Variants in MAST2 observed in about 807,000 individuals in gnomAD.
The protein encoded by MAST2 is microtubule-associated serine/threonine-protein kinase 2.
Under a neutral mutation model 147.4 loss-of-function variants are expected in MAST2, and 70 were observed. That is an observed-to-expected ratio of 0.47 (90% CI 0.39 to 0.58). The LOEUF (loss-of-function observed/expected upper bound fraction) is 0.58. Among genes scored for constraint, MAST2 ranks in the 20% least tolerant of loss-of-function variants. The probability of loss-of-function intolerance (pLI) is 0.00; values close to 1 mark genes in which losing one functional copy is unlikely to be tolerated. For missense variants in MAST2, 2,080 were observed against 2,302.3 expected (o/e 0.90, Z 1.98); for synonymous variants, 869 against 896.8 (o/e 0.97, Z 0.55).
intron 10 of MAST2, among the ~76,000 whole-genome samples, chr1:46,018,816 G>A (rs77140807): frequency 7.6e-4 from 116 of 152,192 alleles, no homozygotes; most frequent in African/African-American, 2.6e-3. Context: ...AAGGCCCATC[G>A]GCCAAGCAGA....
chr1:45,892,391 A>G (rs1218912147), intron 4 of MAST2, among the ~76,000 whole-genome samples: 2 of 152,240 alleles, frequency 1.3e-5, no homozygotes, highest in Non-Finnish European at 2.9e-5. Context: ...GCTCCCTTGC[A>G]TATTAGAAAA....
At chr1:45,852,284 C>T (rs1432843928) in intron 3 of MAST2, among the ~76,000 whole-genome samples, 1 of 152,108 alleles carries the variant, frequency 6.6e-6, no homozygotes, top group African/African-American at 2.4e-5. Flanking sequence ...CTTGGGCTGC[C>T]CTTTTATATT....
chr1:46,011,157 T>G (rs1257191744), intron 10 of MAST2: 2 of 574,508 alleles, frequency 3.5e-6, no homozygotes, highest in Admixed American at 3.1e-5. Context: ...CTGTTCCTTT[T>G]CTAAATCCAA....
intron 5 of MAST2, among the ~76,000 whole-genome samples, chr1:45,967,889 A>T (rs947816660): frequency 1.3e-5 from 2 of 152,234 alleles, no homozygotes; most frequent in Non-Finnish European, 2.9e-5. Context: ...TTTTGCTGTC[A>T]TTCATTTCAC....
At position 46,031,549 on chromosome 1, in the gene MAST2, G is replaced by A. The variant is rs751193932; in HGVS notation, c.3151G>A (p.Ala1051Thr). The A allele has an allele frequency of 3.1e-6, 5 of 1,613,908 alleles. No homozygotes were observed. Among genetic ancestry groups the A allele is most frequent in the East Asian group, 2.2e-5 (1 of 44,898 alleles). The change falls in exon 24 of 29, where the codon GCC becomes ACC. Residue 1051 changes from alanine (A) to threonine (T), a missense_variant. Ala to Thr is a moderately conservative substitution (Grantham distance 58). Transcript: ENST00000361297. The surrounding 1 kb of genome is among the most constrained non-coding windows in gnomAD (Gnocchi z 4.1). The stretch of plus-strand genomic sequence containing the variant: ...CCCTGTCAACAAAGTGATCAAGTCC[G>A]CCTCAGCCACAGCCCTCTCACTCCT... The part of the protein sequence containing the change: ...ARPVNKVIKS[A>T]SATALSLLIP...
intron 4 of MAST2, among the ~76,000 whole-genome samples, chr1:45,927,019 T>G (rs1654477759): frequency 6.6e-6 from 1 of 152,140 alleles, no homozygotes; most frequent in Non-Finnish European, 1.5e-5. Context: ...GAGAGAAATT[T>G]TAAAGCTGGG....
At chr1:45,996,195 G>T (rs979245420) in intron 5 of MAST2, among the ~76,000 whole-genome samples, 53 of 151,568 alleles carry the variant, frequency 3.5e-4, no homozygotes, top group Admixed American at 3.5e-3. Flanking sequence ...TAACCAGACC[G>T]ATCCTTGGAA....
intron 8 of MAST2, among the ~76,000 whole-genome samples, chr1:46,007,824 T>C (rs1378549700): frequency 6.6e-6 from 1 of 152,228 alleles, no homozygotes; most frequent in Non-Finnish European, 1.5e-5. Context: ...CTGGCCTCAT[T>C]CATCCCCAAG....
chr1:46,009,929 C>G (rs1015681124), intron 9 of MAST2, among the ~76,000 whole-genome samples: 1 of 152,168 alleles, frequency 6.6e-6, no homozygotes, highest in African/African-American at 2.4e-5. Flanking sequence ...CAGCTAAGAA[C>G]TCGTTCACAG....
chr1:46,032,295 G>C lies in MAST2; in HGVS notation c.3305G>C (p.Arg1102Thr). 6.2e-7 allele frequency: 1 copy of C among 1,614,204 alleles called. No homozygotes were observed. The highest frequency in any genetic ancestry group is 8.5e-7 in the Non-Finnish European group (1 of 1,180,046). Residue 1102 changes from arginine to threonine, a missense_variant, in exon 25 of 29, where the codon AGG (arginine) becomes ACG (threonine). Around this residue, in one of 4 missense-constraint regions of MAST2, gnomAD observed 1,278 missense variants for 1,304.2 expected, o/e 0.98. Coordinates refer to ENST00000361297, the MANE Select transcript of MAST2 (RefSeq NM_015112.3). Reference sequence around the variant, plus strand: ...TTCTTGCCAGCCCTTGGCAGCATGAGGCCTCCCATCATCATCCACCGAGCT... The same window carrying C: ...TTCTTGCCAGCCCTTGGCAGCATGACGCCTCCCATCATCATCCACCGAGCT... ...RDFLPALGSMRPPIIIHRAGK... is the reference protein window; with the variant it reads ...RDFLPALGSMTPPIIIHRAGK...
At chr1:45,885,673 G>A (rs1014096297) in intron 4 of MAST2, among the ~76,000 whole-genome samples, 1 of 151,964 alleles carries the variant, frequency 6.6e-6, no homozygotes, top group Non-Finnish European at 1.5e-5. Context: ...CTATATTTTT[G>A]TCTTTTTGCC....
chr1:45,892,404 G>A (rs1397699360), intron 4 of MAST2, among the ~76,000 whole-genome samples: 1 of 152,296 alleles, frequency 6.6e-6, no homozygotes, highest in East Asian at 1.9e-4. Context: ...TTAGAAAATG[G>A]ACATTAAAAT....
intron 3 of MAST2, among the ~76,000 whole-genome samples, chr1:45,834,351 C>G (rs1645042496): frequency 6.6e-6 from 1 of 152,060 alleles, no homozygotes; most frequent in South Asian, 2.1e-4. Flanking sequence ...TAAGCAAAAG[C>G]CTTAAAGTTG....
chr1:45,928,061 A>C (rs146268128), intron 4 of MAST2, among the ~76,000 whole-genome samples: 48 of 152,336 alleles, frequency 3.2e-4, no homozygotes, highest in East Asian at 3.9e-4. Context: ...TTTATTTACT[A>C]AATTTTACAT....
chr1:45,940,700 A>G (rs1012417748), intron 4 of MAST2, among the ~76,000 whole-genome samples: 5 of 151,120 alleles, frequency 3.3e-5, no homozygotes, highest in Admixed American at 6.6e-5. Context: ...GCTCACTGCA[A>G]TCTCCGCCAC....
Position 45,962,179 on chromosome 1 carries a change from A to G in MAST2, c.592+2702A>G, listed in dbSNP as rs538794856. ...TTAATCCAGTCTATCATTGTTGGAC[A>G]TTTGGGTTGGTTCCAAGCCTTTGCT... On this transcript the variant is annotated intron_variant, in intron 5 of 28. Coordinates refer to ENST00000361297, the MANE Select transcript of MAST2 (RefSeq NM_015112.3). 2.4e-4 allele frequency among the ~76,000 whole-genome samples: 36 copies of G among 152,302 alleles called. 1 individual carries two copies. In the South Asian group the frequency reaches 3.9e-3, roughly 17 times the overall value.
chr1:45,978,391 C>T (rs1351033929), intron 5 of MAST2, among the ~76,000 whole-genome samples: 2 of 152,130 alleles, frequency 1.3e-5, no homozygotes, highest in African/African-American at 4.8e-5. Context: ...TGGCGCACAC[C>T]TGTAATCCCA....
chr1:46,018,747 C>A (rs1191426360), intron 10 of MAST2, among the ~76,000 whole-genome samples: 1 of 152,096 alleles, frequency 6.6e-6, no homozygotes, highest in African/African-American at 2.4e-5. Context: ...AGGGAAGGTA[C>A]AGACACACAG....
At chr1:46,021,837 C>G (rs1223572335) in intron 11 of MAST2, 113 bp from the exon 12 acceptor site, 2 of 981,804 alleles carry the variant, frequency 2.0e-6, no homozygotes, top group Non-Finnish European at 3.1e-6. Context: ...TGGGAGTGTC[C>G]TATCACAGAG....
Sources: gnomAD v4.1 joint callset for allele counts (sites outside exome capture counted in the v4.1 genomes callset) on GRCh38, gnomAD v4.1.1 for gene constraint, gnomAD v4.1.1 regional missense constraint, Gnocchi (gnomAD v3.1) non-coding constraint, MANE v1.5 for transcripts, NCBI Gene and HGNC (gene_info 2026-07-23, HGNC 2026-07-21) for gene names.